CALN1: variants seen among roughly 807,000 people sequenced by gnomAD.
The protein encoded by CALN1 is calneuron 1.
In CALN1, 17 loss-of-function variants were observed where a neutral mutation model predicts 30.6. That is an observed-to-expected ratio of 0.56 (90% confidence interval 0.38 to 0.83). CALN1 has a LOEUF of 0.83. Ranked by LOEUF, CALN1 falls within the 40% of genes least tolerant of loss-of-function variation. The pLI, the probability that CALN1 is intolerant of heterozygous loss-of-function variation, is 0.00. For synonymous variants in CALN1, 156 were observed against 131.4 expected, an observed-to-expected ratio of 1.19 and a Z score of -1.28; for missense variants, 291 against 354.9, an observed-to-expected ratio of 0.82 and a Z score of 1.45.
At chr7:72,388,921 T>A (rs1303822900) in intron 2 of CALN1, among the ~76,000 whole-genome samples, 1 of 152,182 alleles carries the variant, frequency 6.6e-6, no homozygotes, top group Non-Finnish European at 1.5e-5. Context: ...TGTTTGGGCT[T>A]CCTCTCAGCT....
rs528647792 is a variant in CALN1, at chr7:72,151,918, T to C, written c.245-45624A>G. On this transcript the variant is annotated intron_variant, in intron 3 of 6. Coordinates refer to ENST00000395275, the MANE Select transcript of CALN1 (RefSeq NM_031468.4). ...TTTATTTTTATTCTTTTCTTTTTTT[T>C]TTTTTTTCAAGACAGAATCTCGCTC... Among the ~76,000 whole-genome samples the C allele has an allele frequency of 1.5e-4, 23 of 150,208 alleles. No individual in the cohort carries two copies. The South Asian group carries it at 4.7e-3, about 30-fold the overall frequency.
intron 4 of CALN1, among the ~76,000 whole-genome samples, chr7:72,064,959 T>C (rs1023877806): frequency 1.3e-5 from 2 of 151,830 alleles, no homozygotes; most frequent in Non-Finnish European, 2.9e-5. Flanking sequence ...TGCAGAAACA[T>C]AGCTGCAGTG....
At chr7:72,393,595 ATCAGATG>A (rs1371928591) in intron 2 of CALN1, among the ~76,000 whole-genome samples, 1 of 152,206 alleles carries the variant, frequency 6.6e-6, no homozygotes, top group African/African-American at 2.4e-5. Flanking sequence ...TCTGTTGATC[ATCAGATG>A]TCAGATGTAC....
chr7:71,879,929 T>C (rs910320043), intron 5 of CALN1, among the ~76,000 whole-genome samples: 1 of 152,148 alleles, frequency 6.6e-6, no homozygotes, highest in African/African-American at 2.4e-5. Context: ...AGTATATCCA[T>C]CTATGCTCTG....
chr7:72,407,200 T>C (rs950471098), intron 1 of CALN1, among the ~76,000 whole-genome samples: 5 of 152,244 alleles, frequency 3.3e-5, no homozygotes, highest in Admixed American at 2.6e-4. Flanking sequence ...TTAGGGGCTG[T>C]GTGACCTTGG....
At chr7:71,829,288 G>A (rs1180671132) in intron 5 of CALN1, among the ~76,000 whole-genome samples, 1 of 152,184 alleles carries the variant, frequency 6.6e-6, no homozygotes, top group Non-Finnish European at 1.5e-5. Context: ...CTGTGGGGAA[G>A]GAAGATGGGG....
At chr7:71,957,033 C>G (rs1796996417) in intron 5 of CALN1, among the ~76,000 whole-genome samples, 1 of 152,126 alleles carries the variant, frequency 6.6e-6, no homozygotes, top group Non-Finnish European at 1.5e-5. Flanking sequence ...ATCCCTTCAT[C>G]TCCCTTCACG....
chr7:72,443,385 C>T (rs1808419325), intron 1 of CALN1, among the ~76,000 whole-genome samples: 1 of 152,138 alleles, frequency 6.6e-6, no homozygotes, highest in South Asian at 2.1e-4. Context: ...CCTTCAATGA[C>T]TCCATCTCCT....
chr7:72,292,247 G>A lies in CALN1; in HGVS notation c.120-13437C>T, dbSNP rs1798535493. ...TCTCAAGCCTGGAAGGCCAAAATCA[G>A]GGTGCCAGCTTGATCAAATTCTTGA... On this transcript the variant is annotated intron_variant, in intron 2 of 6. Transcript: ENST00000395275. Among the ~76,000 whole-genome samples, 5 of 151,802 alleles carry A rather than the reference G, an allele frequency of 3.3e-5. No individual in the cohort carries two copies. The South Asian group carries it at 1.0e-3, about 32-fold the overall frequency.
chr7:72,049,466 C>T (rs1234321232), intron 4 of CALN1, among the ~76,000 whole-genome samples: 1 of 152,152 alleles, frequency 6.6e-6, no homozygotes, highest in Non-Finnish European at 1.5e-5. Flanking sequence ...AACTATAGGG[C>T]AGGCACATTG....
chr7:71,986,393 C>T (rs1431410655), intron 5 of CALN1, among the ~76,000 whole-genome samples: 2 of 152,130 alleles, frequency 1.3e-5, no homozygotes, highest in African/African-American at 2.4e-5. Flanking sequence ...CATCTTGATG[C>T]TTAAAAATAT....
chr7:71,862,094 C>A (rs1156946350), intron 5 of CALN1, among the ~76,000 whole-genome samples: 1 of 152,232 alleles, frequency 6.6e-6, no homozygotes, highest in Non-Finnish European at 1.5e-5. Flanking sequence ...TTGCGCTGGA[C>A]AGAGAATCCC....
intron 2 of CALN1, among the ~76,000 whole-genome samples, chr7:72,401,007 G>A (rs992105567): frequency 2.6e-5 from 4 of 152,154 alleles, no homozygotes; most frequent in African/African-American, 9.7e-5. Context: ...ACTGCAGCGA[G>A]GAAACAGTGG....
chr7:72,156,823 G>C (rs1450212665), intron 3 of CALN1, among the ~76,000 whole-genome samples: 1 of 152,202 alleles, frequency 6.6e-6, no homozygotes, highest in Non-Finnish European at 1.5e-5. Context: ...GCTTCAGGAT[G>C]ATGGGGCTGA....
intron 2 of CALN1, among the ~76,000 whole-genome samples, chr7:72,383,037 C>T (rs1002003155): frequency 9.2e-5 from 14 of 152,196 alleles, no homozygotes; most frequent in African/African-American, 2.4e-4. Flanking sequence ...CCACCCTCCT[C>T]GGCCTCCCAA....
At chr7:72,308,895 T>C (rs1382405456) in intron 2 of CALN1, among the ~76,000 whole-genome samples, 1 of 152,222 alleles carries the variant, frequency 6.6e-6, no homozygotes, top group Admixed American at 6.5e-5. Flanking sequence ...AAGGAAAATT[T>C]TGCATGAAAT....
chr7:72,046,426 G>C (rs13234958), intron 4 of CALN1, among the ~76,000 whole-genome samples: 7 of 151,396 alleles, frequency 4.6e-5, no homozygotes, highest in African/African-American at 1.7e-4. Flanking sequence ...TTTTTTTGTA[G>C]AGAGGCTGGG....
At chr7:71,866,318 A>G (rs1455182363) in intron 5 of CALN1, among the ~76,000 whole-genome samples, 1 of 151,992 alleles carries the variant, frequency 6.6e-6, no homozygotes, top group Non-Finnish European at 1.5e-5. Context: ...ATACCAGGCC[A>G]GTTTTATATG....
Position 71,936,487 on chromosome 7 carries a change from A to G in CALN1, c.501+87170T>C, listed in dbSNP as rs1459626635. Among the ~76,000 whole-genome samples, 8 of 151,476 alleles carry G rather than the reference A, an allele frequency of 5.3e-5. No homozygotes were observed. In the East Asian group the frequency reaches 1.6e-3, roughly 29 times the overall value. ...CCAAGCTGGAAGGGCCACTGATGAT[A>G]CTGGAACCATCTTCTAGGCCCCTGG... On this transcript the variant is annotated intron_variant, in intron 5 of 6. Transcript: ENST00000395275.
Sources: allele counts gnomAD v4.1 joint callset (sites outside exome capture counted in the v4.1 genomes callset), GRCh38; gene constraint gnomAD v4.1.1; transcripts MANE v1.5; gene names NCBI Gene and HGNC (gene_info 2026-07-23, HGNC 2026-07-21).